The following ECM2 variants were observed in gnomAD, a reference collection of about 807,000 sequenced individuals.
The protein encoded by ECM2 is extracellular matrix protein 2, also known as extracellular matrix protein 2, female organ and adipocyte specific.
In ECM2, 57 loss-of-function variants were observed where a neutral mutation model predicts 67.5. The ratio of observed to expected loss-of-function variants is 0.84; its 90% confidence interval spans 0.68 to 1.05. The LOEUF is 1.05. Ranked by LOEUF, ECM2 falls within the 50% of genes least tolerant of loss-of-function variation. The pLI is 0.00. For synonymous variants in ECM2, 258 were observed against 294.5 expected (o/e 0.88, Z 1.27); for missense variants, 741 against 822.8 (o/e 0.90, Z 1.22).
chr9:92,515,581 T>C (rs1847651913), intron 3 of ECM2, among the ~76,000 whole-genome samples: 1 of 152,240 alleles, frequency 6.6e-6, no homozygotes, highest in African/African-American at 2.4e-5. Context: ...TTATAATAGA[T>C]ACTGTTCTGT....
intron 1 of ECM2, among the ~76,000 whole-genome samples, chr9:92,532,121 G>C (rs542857926): frequency 1.1e-4 from 16 of 142,304 alleles, no homozygotes; most frequent in African/African-American, 4.4e-4. Flanking sequence ...TCAACCTTTC[G>C]AGTAGCTGGG....
the ECM2 span, among the ~76,000 whole-genome samples, chr9:92,549,962 T>C: frequency 3.9e-5 from 6 of 152,172 alleles, no homozygotes; most frequent in Non-Finnish European, 8.8e-5. Context: ...ACCAAGCCAC[T>C]AGAGTCTGGA....
At chr9:92,522,919 T>C in intron 1 of ECM2, 26 bp from the exon 2 acceptor site, 1 of 1,521,578 alleles carries the variant, frequency 6.6e-7, no homozygotes, top group Non-Finnish European at 8.7e-7. Flanking sequence ...ATTTCAAAGT[T>C]AGTGGTGACT....
intron 1 of ECM2, among the ~76,000 whole-genome samples, chr9:92,533,463 C>T (rs1266613359): frequency 6.7e-6 from 1 of 149,872 alleles, no homozygotes; most frequent in Admixed American, 6.7e-5. Flanking sequence ...TTTTAAAACT[C>T]TATTAATCTT....
the ECM2 span, among the ~76,000 whole-genome samples, chr9:92,549,615 C>G: frequency 6.7e-6 from 1 of 150,230 alleles, no homozygotes; most frequent in Non-Finnish European, 1.5e-5. Context: ...CCACTGCACT[C>G]CAGCCTGAGT....
At chr9:92,497,652 AG>A (rs1846426960) in intron 9 of ECM2, among the ~76,000 whole-genome samples, 1 of 151,700 alleles carries the variant, frequency 6.6e-6, no homozygotes, top group South Asian at 2.1e-4. Flanking sequence ...GAAAGAAAAA[AG>A]AAAAAAAGGG....
chr9:92,515,028 C>G lies in ECM2; in HGVS notation c.657G>C (p.Val219=), dbSNP rs771757092. 7.4e-6 allele frequency: 12 copies of G among 1,614,136 alleles called. No individual in the cohort carries two copies. The South Asian group carries it at 1.3e-4, about 18-fold the overall frequency. ...TCTTTTGCTCTGTATCTTCTTCTTT[C>G]ACTTCTTCATCCTCCTCAGATTGAA... is the stretch of plus-strand genomic sequence containing the variant. ...EALQSEEDEE[V]KEEDTEQKRE... The change falls in exon 4 of 10, where the codon GTG becomes GTC. Residue 219 remains valine, a synonymous_variant. Coordinates refer to ENST00000344604, the MANE Select transcript of ECM2 (RefSeq NM_001393.4).
chr9:92,520,765 A>G (rs1310139999), intron 2 of ECM2, among the ~76,000 whole-genome samples: 1 of 152,250 alleles, frequency 6.6e-6, no homozygotes, highest in Non-Finnish European at 1.5e-5. Context: ...ATACAATGGA[A>G]TATTATTCAG....
At chr9:92,527,852 A>G (rs546189725) in intron 1 of ECM2, 1 of 154,112 alleles carries the variant, frequency 6.5e-6, no homozygotes. Flanking sequence ...TACATTCTGC[A>G]TACAGTATAT....
the ECM2 span, among the ~76,000 whole-genome samples, chr9:92,558,607 C>T: frequency 1.3e-5 from 2 of 152,068 alleles, no homozygotes; most frequent in African/African-American, 4.8e-5. Flanking sequence ...TATTTTTGTG[C>T]TGGTTGGCCT....
At chr9:92,546,312 G>C in the ECM2 span, among the ~76,000 whole-genome samples, 1 of 152,204 alleles carries the variant, frequency 6.6e-6, no homozygotes, top group Admixed American at 6.5e-5. Context: ...GCCCAAGCTA[G>C]CCCTGACAAC....
the ECM2 span, among the ~76,000 whole-genome samples, chr9:92,551,840 GGT>G: frequency 6.7e-6 from 1 of 149,364 alleles, no homozygotes; most frequent in Non-Finnish European, 1.5e-5. Context: ...GGTCATCCAT[GGT>G]GTGTGTATAT....
the ECM2 span, among the ~76,000 whole-genome samples, chr9:92,543,471 C>CAA: frequency 2.2e-3 from 99 of 44,540 alleles, 6 homozygotes; most frequent in East Asian, 0.028. Flanking sequence ...AACCCTGTCT[C>CAA]AAAAAAAAAA....
At chr9:92,501,102 C>A (rs191100785) in intron 8 of ECM2, 49 bp from the exon 9 acceptor site, 53 of 1,564,208 alleles carry the variant, frequency 3.4e-5, no homozygotes, top group Non-Finnish European at 4.5e-5. Flanking sequence ...GGATGGTGAT[C>A]ATCAGCTCTA....
chr9:92,526,757 T>C (rs1848438684), intron 1 of ECM2, among the ~76,000 whole-genome samples: 1 of 151,930 alleles, frequency 6.6e-6, no homozygotes, highest in Non-Finnish European at 1.5e-5. Context: ...TAAGCTAAGG[T>C]TAATTCATTA....
the ECM2 span, among the ~76,000 whole-genome samples, chr9:92,546,326 C>G: frequency 6.6e-6 from 1 of 152,216 alleles, no homozygotes; most frequent in African/African-American, 2.4e-5. Flanking sequence ...TGACAACCCA[C>G]CAGAGGTCCC....
intron 5 of ECM2, among the ~76,000 whole-genome samples, chr9:92,511,625 G>A (rs892762373): frequency 2.6e-5 from 4 of 152,094 alleles, no homozygotes; most frequent in African/African-American, 9.7e-5. Flanking sequence ...CACAAAAAAA[G>A]GAAGCAGTGT....
upstream of ECM2, among the ~76,000 whole-genome samples, chr9:92,536,869 ATTT>A (rs11459753): frequency 7.1e-6 from 1 of 141,520 alleles, no homozygotes; most frequent in Non-Finnish European, 1.5e-5. Flanking sequence ...TATTTTTTAA[ATTT>A]TTTTTTTTTT....
chr9:92,514,731 G>A lies in ECM2; in HGVS notation c.954C>T (p.Ser318=), dbSNP rs148975367. ...APPRGTLRLP[S]GCSLSYRTIS... is the part of the protein sequence containing the mutation. ...TGGTCCTGTAGGACAGAGAGCACCCGCTTGGCAGGCGCAGTGTGCCTCTGG... is the reference window on the plus strand; with the variant it reads ...TGGTCCTGTAGGACAGAGAGCACCCACTTGGCAGGCGCAGTGTGCCTCTGG... Residue 318 remains serine, a synonymous_variant, in exon 4 of 10, where the codon AGC becomes AGT. Transcript: ENST00000344604. 1.5e-5 allele frequency: 24 copies of A among 1,607,892 alleles called. No homozygotes were observed. The highest frequency in any genetic ancestry group is 6.6e-5 in the South Asian group (6 of 91,070).
Sources: gnomAD v4.1 joint callset for allele counts (sites outside exome capture counted in the v4.1 genomes callset) on GRCh38, gnomAD v4.1.1 for gene constraint, MANE v1.5 for transcripts, NCBI Gene and HGNC (gene_info 2026-07-23, HGNC 2026-07-21) for gene names.